The following MEGF11 variants were observed in gnomAD, a reference collection of about 807,000 sequenced individuals.
MEGF11 encodes the protein multiple epidermal growth factor-like domains protein 11.
A neutral mutation model predicts 146.6 loss-of-function variants in MEGF11; 126 were observed. The ratio of observed to expected loss-of-function variants is 0.86; its 90% CI spans 0.74 to 1.00. The LOEUF is 1.00. Ranked by LOEUF, MEGF11 falls within the 50% of genes least tolerant of loss-of-function variation. The pLI is 0.00. For missense variants in MEGF11, 1,509 were observed against 1,521.2 expected, an observed-to-expected ratio of 0.99 and a Z score of 0.13; for synonymous variants, 532 against 583.4, an observed-to-expected ratio of 0.91 and a Z score of 1.27.
chr15:65,916,847 A>G lies in MEGF11; in HGVS notation c.2196T>C (p.Thr732=), dbSNP rs1367650328. 6 of 1,605,244 alleles carry G rather than the reference A, an allele frequency of 3.7e-6. No homozygotes were observed. Among genetic ancestry groups the G allele is most frequent in the African/African-American group, 1.3e-5 (1 of 74,704 alleles). Residue 732 remains threonine, a synonymous_variant, in exon 17 of 26, where the codon ACT becomes ACC. Coordinates refer to ENST00000395614, the MANE Select transcript of MEGF11 (RefSeq NM_001385028.1). ...DGACHCTPGW[T]GLFCTQRCPA... ...GCTTACGCTGTGTGCAGAAGAGTCC[A>G]GTCCAGCCAGGGGTGCAGTGGCAGG...
At chr15:66,212,628 A>G (rs1263440905) in intron 1 of MEGF11, among the ~76,000 whole-genome samples, 1 of 152,196 alleles carries the variant, frequency 6.6e-6, no homozygotes, top group Non-Finnish European at 1.5e-5. Context: ...CCCCAGTAAC[A>G]CAAGAATGCG....
intron 5 of MEGF11, among the ~76,000 whole-genome samples, chr15:66,078,457 AAGG>A (rs2085688203): frequency 6.6e-6 from 1 of 152,204 alleles, no homozygotes; most frequent in Non-Finnish European, 1.5e-5. Context: ...GTCAGGAGGA[AAGG>A]AGGTCTGCGG....
intron 23 of MEGF11, among the ~76,000 whole-genome samples, chr15:65,907,574 C>T (rs545485885): frequency 2.6e-5 from 4 of 152,278 alleles, no homozygotes; most frequent in African/African-American, 7.2e-5. Flanking sequence ...GGATTACAGA[C>T]GTGAGCCACC....
intron 1 of MEGF11, among the ~76,000 whole-genome samples, chr15:66,169,219 C>T (rs2090179399): frequency 6.6e-6 from 1 of 152,226 alleles, no homozygotes; most frequent in Admixed American, 6.5e-5. Flanking sequence ...CCACTCAATA[C>T]ACATTCGCTG....
intron 4 of MEGF11, among the ~76,000 whole-genome samples, chr15:66,105,834 T>C (rs2140810431): frequency 6.6e-6 from 1 of 152,346 alleles, no homozygotes. Flanking sequence ...GATGAAGCCC[T>C]GTGGATCAAC....
rs146164364 is a variant in MEGF11, at chr15:66,020,234, C to T, written c.395-37746G>A. Among the ~76,000 whole-genome samples the T allele has an allele frequency of 4.8e-3, 724 of 152,352 alleles. 8 individuals are homozygous for T. Among genetic ancestry groups the T allele is most frequent in the African/African-American group, 0.016 (680 of 41,572 alleles). On this transcript the variant is annotated intron_variant, in intron 5 of 25. Transcript: ENST00000395614. ...CCAATGGGATTCAATCCTGGGACTC[C>T]AACAGGAACATTGGGTAAGTAGGTG... is the stretch of plus-strand genomic sequence containing the variant.
At chr15:65,966,952 T>G (rs1188377105) in intron 8 of MEGF11, 2 of 150,838 alleles carry the variant, frequency 1.3e-5, no homozygotes, top group African/African-American at 4.9e-5. Flanking sequence ...GGAATAGGGG[T>G]AAAAGAGGGG....
Position 65,982,101 on chromosome 15 carries a change from G to A in MEGF11, c.641+141C>T, listed in dbSNP as rs2081661140. 2 of 1,229,040 alleles carry A rather than the reference G, an allele frequency of 1.6e-6. No individual in the cohort carries two copies. Among genetic ancestry groups the A allele is most frequent in the South Asian group, 1.6e-5 (1 of 63,284 alleles). The allele number at this position is 1,229,040 out of a possible 1,614,324, so 76.1% of individuals were successfully genotyped here. A position where few individuals can be genotyped will look rare whatever the true frequency, so the allele number is the denominator to read the frequency against. On this transcript the variant is annotated intron_variant, in intron 6 of 25. Coordinates refer to ENST00000395614, the MANE Select transcript of MEGF11 (RefSeq NM_001385028.1). The surrounding 1 kb of genome is among the most constrained non-coding windows in gnomAD (Gnocchi z 5.6). ...CCCAGCCCACCCACAAGGAGCCCAGGGCTGGGCGTGCAGCTGCGGTGAGGG... is the reference window on the plus strand; with the variant it reads ...CCCAGCCCACCCACAAGGAGCCCAGAGCTGGGCGTGCAGCTGCGGTGAGGG...
intron 18 of MEGF11, 40 bp downstream of exon 18, chr15:65,916,108 C>A: frequency 1.9e-6 from 3 of 1,548,710 alleles, no homozygotes; most frequent in South Asian, 1.2e-5. Flanking sequence ...AGGGTAGGGC[C>A]CAGCAGCATC....
At chr15:66,107,648 G>A (rs1006255591) in intron 4 of MEGF11, among the ~76,000 whole-genome samples, 6 of 152,196 alleles carry the variant, frequency 3.9e-5, no homozygotes, top group African/African-American at 9.7e-5. Flanking sequence ...GGGAACCTGA[G>A]GTCCTGGAGG....
intron 1 of MEGF11, among the ~76,000 whole-genome samples, chr15:66,153,573 AAAAAAG>A (rs142421151): frequency 0.34 from 51,119 of 151,412 alleles, 10,645 homozygotes; most frequent in South Asian, 0.56. Flanking sequence ...ACTCCATCTC[AAAAAAG>A]AAAAAGAAAA....
chr15:66,043,437 C>A (rs2084069778), intron 5 of MEGF11, among the ~76,000 whole-genome samples: 1 of 152,252 alleles, frequency 6.6e-6, no homozygotes, highest in African/African-American at 2.4e-5. Context: ...GATGTCTGGG[C>A]AGAAGCCACG....
At chr15:66,242,846 C>T (rs2092237804) in intron 1 of MEGF11, among the ~76,000 whole-genome samples, 1 of 152,282 alleles carries the variant, frequency 6.6e-6, no homozygotes, top group Non-Finnish European at 1.5e-5. Flanking sequence ...GACAACCTCA[C>T]ATTAATTCTG....
chr15:66,207,968 C>G (rs915043815), intron 1 of MEGF11, among the ~76,000 whole-genome samples: 1 of 151,862 alleles, frequency 6.6e-6, no homozygotes, highest in Non-Finnish European at 1.5e-5. Flanking sequence ...CACTGTAGTC[C>G]CAGCTACTGG....
At chr15:66,138,121 C>T (rs1290222769) in intron 1 of MEGF11, among the ~76,000 whole-genome samples, 1 of 152,130 alleles carries the variant, frequency 6.6e-6, no homozygotes, top group East Asian at 1.9e-4. Context: ...AAAGGGAGGG[C>T]CCTACAGGCA....
At chr15:66,029,000 GGA>G (rs555407818) in intron 5 of MEGF11, among the ~76,000 whole-genome samples, 76 of 152,296 alleles carry the variant, frequency 5.0e-4, no homozygotes, top group African/African-American at 1.8e-3. Context: ...ATGACTACAA[GGA>G]GAGAGAGGAG....
chr15:66,185,817 G>T (rs1455813706), intron 1 of MEGF11, among the ~76,000 whole-genome samples: 1 of 152,180 alleles, frequency 6.6e-6, no homozygotes, highest in Non-Finnish European at 1.5e-5. Flanking sequence ...GAACTTCAGA[G>T]CCCTGGGCAG....
chr15:66,164,159 CAT>C (rs1220921054), intron 1 of MEGF11, among the ~76,000 whole-genome samples: 3 of 152,302 alleles, frequency 2.0e-5, no homozygotes, highest in East Asian at 3.9e-4. Flanking sequence ...AGCCACCACA[CAT>C]GTTTCTGGAG....
At chr15:66,211,451 G>A (rs982969796) in intron 1 of MEGF11, among the ~76,000 whole-genome samples, 1 of 151,898 alleles carries the variant, frequency 6.6e-6, no homozygotes, top group Non-Finnish European at 1.5e-5. Flanking sequence ...GTGAACCCGG[G>A]AGGGGGAGCT....
Sources: allele counts gnomAD v4.1 joint callset (sites outside exome capture counted in the v4.1 genomes callset), GRCh38; gene constraint gnomAD v4.1.1; non-coding constraint Gnocchi (gnomAD v3.1); transcripts MANE v1.5; gene names NCBI Gene and HGNC (gene_info 2026-07-23, HGNC 2026-07-21).